Variants in SLC25A22 observed in about 807,000 individuals in gnomAD.
SLC25A22 encodes mitochondrial glutamate carrier 1.
A neutral mutation model predicts 33.7 loss-of-function variants in SLC25A22; 23 were observed. The observed-to-expected ratio is 0.68, with a 90% CI of 0.49 to 0.97. The LOEUF (loss-of-function observed/expected upper bound fraction) is 0.97, where lower values mean the gene tolerates loss of function less well. Ranked by LOEUF, SLC25A22 falls within the 50% of genes least tolerant of loss-of-function variation. The pLI, the probability that SLC25A22 is intolerant of heterozygous loss-of-function variation, is 0.00. For synonymous variants in SLC25A22, 245 were observed against 203.8 expected, an observed-to-expected ratio of 1.20 and a Z score of -1.72; for missense variants, 390 against 451.1, an observed-to-expected ratio of 0.86 and a Z score of 1.23.
intron 1 of SLC25A22, among the ~76,000 whole-genome samples, chr11:797,302 C>T (rs558866696): frequency 6.6e-6 from 1 of 152,266 alleles, no homozygotes; most frequent in Admixed American, 6.5e-5. Flanking sequence ...GGGGAAGAAC[C>T]GGCAGGGGTT....
At chr11:794,150 C>G (rs1370574921) in intron 4 of SLC25A22, 1 of 663,504 alleles carries the variant, frequency 1.5e-6, no homozygotes, top group East Asian at 2.9e-5. Context: ...TCCCCAGCCA[C>G]AAACGGGGTC....
intron 9 of SLC25A22, 22 bp from the exon 10 acceptor site, chr11:792,090 G>A: frequency 1.9e-6 from 3 of 1,599,856 alleles, no homozygotes; most frequent in Non-Finnish European, 1.7e-6. Flanking sequence ...GGACGAAAGG[G>A]TCAGCCCGGT....
In SLC25A22 at chr11:793,376, G is replaced by A. The variant is rs146182849; in HGVS notation, c.293+153C>T. On this transcript the variant is annotated intron_variant, in intron 5 of 9. Transcript: ENST00000628067. ...ATCTGCTTTGCTCCCCTGGTCAGGG[G>A]AAAGGAGGGAGGGTGCCCCACGAGG... 204 of 729,944 alleles carry A rather than the reference G, an allele frequency of 2.8e-4. No homozygotes were observed. The East Asian group carries it at 4.6e-3, about 16-fold the overall frequency. 45.2% of individuals were successfully genotyped at this position (729,944 alleles called of 1,614,324 possible).
rs543775528 is a variant in SLC25A22, at chr11:792,526, T to TC, written c.587+26dup. 1.3e-3 allele frequency: 2,114 copies of TC among 1,610,450 alleles called. 3 individuals are homozygous for TC. The highest frequency in any genetic ancestry group is 1.5e-3 in the Non-Finnish European group (1,770 of 1,178,774). On this transcript the variant is annotated intron_variant, in intron 7 of 9. Transcript: ENST00000628067. The stretch of plus-strand genomic sequence containing the variant: ...TGGGCAGGCCGGCCTCCCCCTTCCC[T>TC]CCCCCCACCTGCCCTGTGCCTCCTA...
chr11:792,599 G>T lies in SLC25A22; in HGVS notation c.541C>A (p.Arg181Ser). The T allele has an allele frequency of 6.2e-7, 1 of 1,610,874 alleles. No individual in the cohort carries two copies. Among genetic ancestry groups the T allele is most frequent in the African/African-American group, 1.3e-5 (1 of 74,972 alleles). ...CCCTTGTAGAGACCGGCAATGCCAC[G>T]GCTCCGCAGCAGGTCGCGGGTCAGC... Reference protein sequence around the residue: ...TQLTRDLLRSRGIAGLYKGLG... With the variant: ...TQLTRDLLRSSGIAGLYKGLG... The change falls in exon 7 of 10, where the codon CGT becomes AGT. Residue 181 changes from arginine (R) to serine (S), a missense_variant. Physicochemically the swap from Arg to Ser is moderately radical, Grantham distance 110. Transcript: ENST00000628067.
Position 798,276 on chromosome 11 carries a change from G to A in SLC25A22, c.-223C>T, listed in dbSNP as rs1034035229. 2.7e-6 allele frequency: 1 copy of A among 375,486 alleles called. No homozygotes were observed. Among genetic ancestry groups the A allele is most frequent in the Non-Finnish European group, 4.7e-6 (1 of 211,260 alleles). 23.3% of individuals were successfully genotyped at this position (375,486 alleles called of 1,614,324 possible). A position where few individuals can be genotyped will look rare whatever the true frequency, so the allele number is the denominator to read the frequency against. On this transcript the variant is annotated 5_prime_UTR_variant, in exon 1 of 10. Transcript: ENST00000628067. Reference sequence around the variant, plus strand: ...CCCCGCGCTCGGCCAGCACCTAGGCGGGGAGGCGCGTCCGCTCGGCGCCGC... The same window carrying A: ...CCCCGCGCTCGGCCAGCACCTAGGCAGGGAGGCGCGTCCGCTCGGCGCCGC...
Position 792,446 on chromosome 11 carries a change from G to A in SLC25A22, c.600C>T (p.Phe200=), listed in dbSNP as rs750451641. The A allele has an allele frequency of 3.7e-6, 6 of 1,613,428 alleles. No individual in the cohort carries two copies. The highest frequency in any genetic ancestry group is 5.1e-6 in the Non-Finnish European group (6 of 1,179,944). ...LGATLLRDVP[F]SVVYFPLFAN... ...CAAAGAGCGGGAAGTACACCACAGAGAAGGGGACATCCCTGTGGGGAGGGA... is the reference window on the plus strand; with the variant it reads ...CAAAGAGCGGGAAGTACACCACAGAAAAGGGGACATCCCTGTGGGGAGGGA... Residue 200 remains phenylalanine (F), a synonymous_variant, in exon 8 of 10, where the codon TTC becomes TTT. Transcript: ENST00000628067.
intron 1 of SLC25A22, chr11:797,652 G>T: frequency 1.0e-5 from 4 of 398,672 alleles, no homozygotes; most frequent in Non-Finnish European, 1.8e-5. Flanking sequence ...GAGTCTGGCC[G>T]GCGGCTCCCC....
intron 4 of SLC25A22, 195 bp downstream of exon 4, chr11:794,263 A>G: frequency 1.4e-6 from 1 of 738,328 alleles, no homozygotes; most frequent in Non-Finnish European, 2.4e-6. Context: ...GGGAGCTGCC[A>G]CGGGAGAGGC....
intron 5 of SLC25A22, 187 bp downstream of exon 5, chr11:793,342 T>G: frequency 1.5e-6 from 1 of 649,564 alleles, no homozygotes; most frequent in Admixed American, 2.4e-5. Flanking sequence ...AGAGCCCCAC[T>G]GATTTGACAT....
At chr11:793,995 G>A (rs1252332780) in intron 4 of SLC25A22, 4 of 467,106 alleles carry the variant, frequency 8.6e-6, no homozygotes, top group Non-Finnish European at 4.0e-6. Flanking sequence ...AGGAGTGTGT[G>A]GTCTGGACTG....
chr11:796,911 T>G (rs1864854185), intron 1 of SLC25A22, among the ~76,000 whole-genome samples: 1 of 152,136 alleles, frequency 6.6e-6, no homozygotes, highest in African/African-American at 2.4e-5. Context: ...CAAGCTGACC[T>G]CTGAACTTCT....
chr11:797,925 G>A (rs1565044172), intron 1 of SLC25A22: 3 of 398,474 alleles, frequency 7.5e-6, no homozygotes, highest in Non-Finnish European at 1.3e-5. Flanking sequence ...TCCCACGTGT[G>A]CGTCCCACAC....
chr11:794,857 C>T lies in SLC25A22; in HGVS notation c.65G>A (p.Gly22Asp). 1 of 1,574,936 alleles carries T rather than the reference C, an allele frequency of 6.3e-7. No individual in the cohort carries two copies. The highest frequency in any genetic ancestry group is 1.3e-5 in the African/African-American group (1 of 74,486). ...LINGGIAGLI[G>D]VTCVFPIDLA... The stretch of plus-strand genomic sequence containing the variant: ...GTCGATGGGAAACACGCAGGTGACA[C>T]CGATCAGCCCGGCGATGCCGCCATT... Residue 22 changes from glycine to aspartate, a missense_variant, in exon 3 of 10, where the codon GGT becomes GAT. Coordinates refer to ENST00000628067, the MANE Select transcript of SLC25A22 (RefSeq NM_001191061.2).
In SLC25A22 at chr11:793,522, C is replaced by T; in HGVS notation, c.293+7G>A. 6.2e-7 allele frequency: 1 copy of T among 1,613,468 alleles called. No homozygotes were observed. Among genetic ancestry groups the T allele is most frequent in the Non-Finnish European group, 8.5e-7 (1 of 1,179,934 alleles). ...CCCCTCGAGTGTCTGCCAGGCAGAA[C>T]CCTCACCCGTCCTTAGAGAGCTGAT... On this transcript the variant is annotated splice_region_variant and intron_variant, in intron 5 of 9. Coordinates refer to ENST00000628067, the MANE Select transcript of SLC25A22 (RefSeq NM_001191061.2).
intron 4 of SLC25A22, chr11:794,150 C>A: frequency 1.5e-6 from 1 of 663,622 alleles, no homozygotes. Context: ...TCCCCAGCCA[C>A]AAACGGGGTC....
At chr11:793,655 G>A (rs774387008) in intron 4 of SLC25A22, 36 bp from the exon 5 acceptor site, 110 of 1,495,282 alleles carry the variant, frequency 7.4e-5, no homozygotes, top group Middle Eastern at 3.5e-4. Context: ...GGACATGCTC[G>A]GTGGCCTGAG....
Position 791,682 on chromosome 11 carries a change from G to A in SLC25A22, c.*233C>T, listed in dbSNP as rs1864523360. On this transcript the variant is annotated 3_prime_UTR_variant, in exon 10 of 10. Transcript: ENST00000628067. ...TGGGGCAGGGGCTAGCTTGAGGAAT[G>A]TAAAGATTTCTGCATTTTCTACATA... 1.7e-6 allele frequency: 1 copy of A among 605,154 alleles called. No individual in the cohort carries two copies. Among genetic ancestry groups the A allele is most frequent in the Non-Finnish European group, 2.9e-6 (1 of 346,246 alleles). The allele number at this position is 605,154 out of a possible 1,614,324, so 37.5% of individuals were successfully genotyped here. A position where few individuals can be genotyped will look rare whatever the true frequency, so the allele number is the denominator to read the frequency against.
In SLC25A22 at chr11:797,990, G is replaced by A. The variant is rs545777911; in HGVS notation, c.-164+227C>T. 1.3e-5 allele frequency: 5 copies of A among 398,454 alleles called. No homozygotes were observed. In the South Asian group the frequency reaches 5.1e-4, roughly 41 times the overall value. 24.7% of individuals were successfully genotyped at this position (398,454 alleles called of 1,614,324 possible). On this transcript the variant is annotated intron_variant, in intron 1 of 9. Transcript: ENST00000628067. ...CCCGGACACCCACCCTCGGGGACACGTATGTGCGGGGAGCGCGCCCGGAAC... is the reference window on the plus strand; with the variant it reads ...CCCGGACACCCACCCTCGGGGACACATATGTGCGGGGAGCGCGCCCGGAAC...
Sources: gnomAD v4.1 joint callset for allele counts (sites outside exome capture counted in the v4.1 genomes callset) on GRCh38, gnomAD v4.1.1 for gene constraint, MANE v1.5 for transcripts, NCBI Gene and HGNC (gene_info 2026-07-23, HGNC 2026-07-21) for gene names.